The following PPP1R10 variants were observed in gnomAD, a reference collection of about 807,000 sequenced individuals.
The protein encoded by PPP1R10 is protein phosphatase 1 regulatory subunit 10.
PPP1R10 carries 15 observed loss-of-function variants against 99.0 expected under a neutral mutation model. That is an observed-to-expected ratio of 0.15 (90% CI 0.10 to 0.23). The LOEUF (loss-of-function observed/expected upper bound fraction) is 0.23. PPP1R10 is among the 10% of genes least tolerant of loss of function. The probability of loss-of-function intolerance (pLI) is 1.00; values close to 1 mark genes in which losing one functional copy is unlikely to be tolerated. For missense variants in PPP1R10, 947 were observed against 1,259.4 expected (o/e 0.75, Z 3.75); for synonymous variants, 430 against 449.5 (o/e 0.96, Z 0.55).
chr6:30,605,143 T>C, intron 10 of PPP1R10, 49 bp from the exon 11 acceptor site: 1 of 1,524,198 alleles, frequency 6.6e-7, no homozygotes, highest in Non-Finnish European at 9.1e-7. Context: ...TCCTTCATAA[T>C]CCTACACCTG....
chr6:30,603,336 T>C, intron 16 of PPP1R10, 51 bp from the exon 17 acceptor site: 2 of 1,586,352 alleles, frequency 1.3e-6, no homozygotes, highest in Non-Finnish European at 1.7e-6. Context: ...GTAACAACCA[T>C]GGCGAAAGAT....
chr6:30,608,947 C>T, intron 4 of PPP1R10, 33 bp from the exon 5 acceptor site: 4 of 1,613,758 alleles, frequency 2.5e-6, no homozygotes, highest in East Asian at 2.2e-5. Context: ...ATCAGTAATG[C>T]CCTTTCTAGG....
chr6:30,606,405 C>T lies in PPP1R10; in HGVS notation c.634+63G>A. On this transcript the variant is annotated intron_variant, in intron 8 of 19. Transcript: ENST00000376511. The surrounding 1 kb of genome is among the most constrained non-coding windows in gnomAD (Gnocchi z 6.3). ...TAACATACCACACATCAAATGATTC[C>T]CCCATAAGGCTCTGGGTGTGCACAT... The T allele has an allele frequency of 6.3e-7, 1 of 1,591,508 alleles. No homozygotes were observed. The highest frequency in any genetic ancestry group is 8.6e-7 in the Non-Finnish European group (1 of 1,165,746).
Position 30,606,420 on chromosome 6 carries a change from G to C in PPP1R10, c.634+48C>G. 6.2e-7 allele frequency: 1 copy of C among 1,604,972 alleles called. No homozygotes were observed. Among genetic ancestry groups the C allele is most frequent in the Non-Finnish European group, 8.5e-7 (1 of 1,174,886 alleles). ...CAAATGATTCCCCCATAAGGCTCTG[G>C]GTGTGCACATGCCCATGAACCCTCC... On this transcript the variant is annotated intron_variant, in intron 8 of 19. Coordinates refer to ENST00000376511, the MANE Select transcript of PPP1R10 (RefSeq NM_002714.4). The surrounding 1 kb of genome is among the most constrained non-coding windows in gnomAD (Gnocchi z 6.3).
intron 5 of PPP1R10, 134 bp downstream of exon 5, chr6:30,608,645 C>T (rs1473735644): frequency 8.5e-7 from 1 of 1,179,686 alleles, no homozygotes; most frequent in Non-Finnish European, 1.2e-6. Flanking sequence ...AAGTCTTCTT[C>T]TTCTAAATTC....
intron 2 of PPP1R10, chr6:30,614,454 A>C (rs1000157407): frequency 1.3e-5 from 2 of 152,170 alleles, no homozygotes; most frequent in Non-Finnish European, 2.9e-5. Context: ...GGAACTAATC[A>C]AGTGCAGAAC....
chr6:30,601,784 G>T, intron 19 of PPP1R10, 126 bp from the exon 20 acceptor site: 1 of 1,307,788 alleles, frequency 7.6e-7, no homozygotes, highest in Non-Finnish European at 1.0e-6. Context: ...TGGGGGAAGG[G>T]CATAGAGTAG....
Position 30,604,260 on chromosome 6 carries a change from G to A in PPP1R10, c.1262-6C>T, listed in dbSNP as rs1803683862. ...CTTGATCTTATTCACATTTACTGTC[G>A]GCAGGGGAAGAAAAGCAAGAGGGAA... On this transcript the variant is annotated splice_polypyrimidine_tract_variant and splice_region_variant and intron_variant, in intron 13 of 19. Coordinates refer to ENST00000376511, the MANE Select transcript of PPP1R10 (RefSeq NM_002714.4). This position sits in a 1 kb window ranked among gnomAD's most constrained non-coding sequence, Gnocchi z 7.3. 9.9e-6 allele frequency: 16 copies of A among 1,613,788 alleles called. No individual in the cohort carries two copies. The highest frequency in any genetic ancestry group is 1.4e-5 in the Non-Finnish European group (16 of 1,179,844).
chr6:30,606,398 A>G lies in PPP1R10; in HGVS notation c.634+70T>C. On this transcript the variant is annotated intron_variant, in intron 8 of 19. Transcript: ENST00000376511. This position sits in a 1 kb window ranked among gnomAD's most constrained non-coding sequence, Gnocchi z 6.3. Reference sequence around the variant, plus strand: ...TTACGATTAACATACCACACATCAAATGATTCCCCCATAAGGCTCTGGGTG... The same window carrying G: ...TTACGATTAACATACCACACATCAAGTGATTCCCCCATAAGGCTCTGGGTG... 5 of 1,589,428 alleles carry G rather than the reference A, an allele frequency of 3.1e-6. No individual in the cohort carries two copies. Among genetic ancestry groups the G allele is most frequent in the Non-Finnish European group, 2.6e-6 (3 of 1,164,362 alleles).
rs1383851621 is a variant in PPP1R10, at chr6:30,602,155, G to A, written c.2494C>T (p.His832Tyr). The stretch of plus-strand genomic sequence containing the variant: ...CCCATGCTTCCGCCAGGGCCTTCGT[G>A]GGGGCGATGTCCACCACCGGCACCC... ...GMGAGGGHRPHEGPGGSMGGS... is the reference protein window; with the variant it reads ...GMGAGGGHRPYEGPGGSMGGS... Residue 832 changes from histidine to tyrosine, a missense_variant, in exon 19 of 20, where the codon CAC becomes TAC. This residue lies in a region of PPP1R10 where 525 missense variants were observed against 578.8 expected (regional missense o/e 0.91). Transcript: ENST00000376511. The surrounding 1 kb of genome is among the most constrained non-coding windows in gnomAD (Gnocchi z 6.7). The A allele has an allele frequency of 6.2e-7, 1 of 1,610,270 alleles. No individual in the cohort carries two copies.
In PPP1R10 at chr6:30,602,874, A is replaced by G. The variant is rs1312657319; in HGVS notation, c.1929T>C (p.Phe643=). Reference sequence around the variant, plus strand: ...GCATAGGTCCCCCAGGTCCAGGGGGAAAGTGCTGCATGCCCTTGGGGCCCC... The same window carrying G: ...GCATAGGTCCCCCAGGTCCAGGGGGGAAGTGCTGCATGCCCTTGGGGCCCC... ...GPGGPKGMQH[F]PPGPGGPMPG... Residue 643 remains phenylalanine, a synonymous_variant, in exon 18 of 20, where the codon TTT becomes TTC. Coordinates refer to ENST00000376511, the MANE Select transcript of PPP1R10 (RefSeq NM_002714.4). This position sits in a 1 kb window ranked among gnomAD's most constrained non-coding sequence, Gnocchi z 6.7. 4 of 1,555,982 alleles carry G rather than the reference A, an allele frequency of 2.6e-6. No individual in the cohort carries two copies. The highest frequency in any genetic ancestry group is 2.6e-6 in the Non-Finnish European group (3 of 1,148,934).
Position 30,616,551 on chromosome 6 carries a change from AAAC to A in PPP1R10, c.-88_-86del, listed in dbSNP as rs1289671487. The stretch of plus-strand genomic sequence containing the variant: ...GTAAAATTTTGGAGGAAAAAAAATA[AAAC>A]AACCAACCAGGACCCAAAACTCAAT... On this transcript the variant is annotated 5_prime_UTR_variant, in exon 2 of 20. Coordinates refer to ENST00000376511, the MANE Select transcript of PPP1R10 (RefSeq NM_002714.4). The A allele has an allele frequency of 1.3e-5, 2 of 152,326 alleles. No individual in the cohort carries two copies. Among genetic ancestry groups the A allele is most frequent in the South Asian group, 2.1e-4 (1 of 4,828 alleles). 9.4% of individuals were successfully genotyped at this position (152,326 alleles called of 1,614,324 possible). A position where few individuals can be genotyped will look rare whatever the true frequency, so the allele number is the denominator to read the frequency against.
rs1803672984 is a variant in PPP1R10, at chr6:30,604,137, G to A, written c.1379C>T (p.Pro460Leu). The change falls in exon 14 of 20, where the codon CCC becomes CTC. Residue 460 changes from proline to leucine, a missense_variant. Transcript: ENST00000376511. This position sits in a 1 kb window ranked among gnomAD's most constrained non-coding sequence, Gnocchi z 7.3. ...AACCAGGGGCCGGGGGCACACCCAGGGCACCTTCTCCTCCATGTTATCATG... is the reference window on the plus strand; with the variant it reads ...AACCAGGGGCCGGGGGCACACCCAGAGCACCTTCTCCTCCATGTTATCATG... ...LSHDNMEEKV[P>L]WVCPRPLVLP... 3 of 1,613,940 alleles carry A rather than the reference G, an allele frequency of 1.9e-6. No homozygotes were observed. The highest frequency in any genetic ancestry group is 3.3e-5 in the Admixed American group (2 of 59,988).
chr6:30,602,940 G>A lies in PPP1R10; in HGVS notation c.1863C>T (p.Gly621=), dbSNP rs1803523244. The A allele has an allele frequency of 2.6e-6, 4 of 1,551,536 alleles. No homozygotes were observed. Among genetic ancestry groups the A allele is most frequent in the Non-Finnish European group, 3.5e-6 (4 of 1,146,996 alleles). ...GGAAACCATTGGCTATTGGGCCAGG[G>A]CCTAGGAGTCCATGTGGCACTGTTA... ...KQMLVPHGLL[G]PGPIANGFPP... is the part of the protein sequence containing the mutation. Residue 621 remains glycine, a synonymous_variant, in exon 18 of 20, where the codon GGC becomes GGT. Transcript: ENST00000376511. The surrounding 1 kb of genome is among the most constrained non-coding windows in gnomAD (Gnocchi z 6.7).
At chr6:30,613,418 T>C (rs1322654459) in intron 2 of PPP1R10, among the ~76,000 whole-genome samples, 1 of 152,204 alleles carries the variant, frequency 6.6e-6, no homozygotes. Flanking sequence ...TAACCCCTTA[T>C]GTTCCCCTTC....
chr6:30,608,989 C>A, intron 4 of PPP1R10, 75 bp from the exon 5 acceptor site: 1 of 1,611,014 alleles, frequency 6.2e-7, no homozygotes, highest in South Asian at 1.1e-5. Context: ...CAATCCCAGT[C>A]TCCCATCAAT....
intron 2 of PPP1R10, 23 bp downstream of exon 2, chr6:30,616,455 G>A (rs1220237236): frequency 6.6e-6 from 1 of 152,498 alleles, no homozygotes; most frequent in Non-Finnish European, 1.5e-5. Context: ...TGCAAGGCTG[G>A]TTTTTGAAAA....
At chr6:30,610,926 A>T (rs1338734307) in intron 2 of PPP1R10, among the ~76,000 whole-genome samples, 1 of 152,252 alleles carries the variant, frequency 6.6e-6, no homozygotes, top group Non-Finnish European at 1.5e-5. Flanking sequence ...GGGACAAGCC[A>T]GAACTGAAGT....
chr6:30,616,960 C>T lies in PPP1R10; in HGVS notation c.-494G>A, dbSNP rs1760648685. On this transcript the variant is annotated 5_prime_UTR_variant, in exon 2 of 20. Coordinates refer to ENST00000376511, the MANE Select transcript of PPP1R10 (RefSeq NM_002714.4). ...TGTTGCTGCGGCTTGTTTCTGTTTT[C>T]CTCGTGGCCGGCCTGTCTTTCTCCG... 1 of 152,292 alleles carries T rather than the reference C, an allele frequency of 6.6e-6. No homozygotes were observed. Among genetic ancestry groups the T allele is most frequent in the Admixed American group, 6.5e-5 (1 of 15,278 alleles). 9.4% of individuals were successfully genotyped at this position (152,292 alleles called of 1,614,324 possible).
Sources: allele counts gnomAD v4.1 joint callset (sites outside exome capture counted in the v4.1 genomes callset), GRCh38; gene constraint gnomAD v4.1.1; regional missense constraint gnomAD v4.1.1; non-coding constraint Gnocchi (gnomAD v3.1); transcripts MANE v1.5; gene names NCBI Gene and HGNC (gene_info 2026-07-23, HGNC 2026-07-21).